The following WWC1 variants were observed in gnomAD, a reference collection of about 807,000 sequenced individuals.
WWC1 encodes the protein WW and C2 domain containing 1, also known as protein KIBRA.
In WWC1, 55 loss-of-function variants were observed where a neutral mutation model predicts 138.4. The ratio of observed to expected loss-of-function variants is 0.40; its 90% CI spans 0.32 to 0.50. WWC1 has a LOEUF of 0.50. Among genes scored for constraint, WWC1 ranks in the 20% least tolerant of loss-of-function variants. The pLI, the probability that WWC1 is intolerant of heterozygous loss-of-function variation, is 0.72. For synonymous variants in WWC1, 524 were observed against 564.9 expected, an observed-to-expected ratio of 0.93 and a Z score of 1.03; for missense variants, 1,226 against 1,420.4, an observed-to-expected ratio of 0.86 and a Z score of 2.20.
chr5:168,316,181 G>A (rs549275319), intron 1 of WWC1, among the ~76,000 whole-genome samples: 1 of 152,086 alleles, frequency 6.6e-6, no homozygotes, highest in Non-Finnish European at 1.5e-5. Flanking sequence ...TGTGAGGCTC[G>A]CAATTGCTAT....
At chr5:168,414,166 G>A in intron 8 of WWC1, 182 bp from the exon 9 acceptor site, 1 of 792,932 alleles carries the variant, frequency 1.3e-6, no homozygotes, top group Non-Finnish European at 1.9e-6. Flanking sequence ...TTCATTGTTG[G>A]CACATGGTAG....
chr5:168,410,871 C>T (rs1780175214), intron 8 of WWC1, among the ~76,000 whole-genome samples: 2 of 151,746 alleles, frequency 1.3e-5, no homozygotes, highest in South Asian at 2.1e-4. Context: ...CATGACTATT[C>T]CAGGTGGTAG....
At chr5:168,338,080 G>C (rs1158031419) in intron 1 of WWC1, among the ~76,000 whole-genome samples, 1 of 152,086 alleles carries the variant, frequency 6.6e-6, no homozygotes, top group African/African-American at 2.4e-5. Flanking sequence ...GGAGGCCAAG[G>C]TGGGCAGATC....
chr5:168,333,765 T>C (rs182585537), intron 1 of WWC1, among the ~76,000 whole-genome samples: 3 of 152,100 alleles, frequency 2.0e-5, no homozygotes, highest in Non-Finnish European at 4.4e-5. Context: ...GACTTAGGAA[T>C]TGCTATCCCT....
chr5:168,427,589 G>A (rs1432327055), intron 11 of WWC1, among the ~76,000 whole-genome samples: 1 of 145,564 alleles, frequency 6.9e-6, no homozygotes, highest in East Asian at 2.0e-4. Context: ...GCATTTAGAG[G>A]TGGTTGGAAT....
intron 2 of WWC1, among the ~76,000 whole-genome samples, chr5:168,377,754 G>A (rs1777328428): frequency 6.6e-6 from 1 of 152,172 alleles, no homozygotes; most frequent in Non-Finnish European, 1.5e-5. Flanking sequence ...CAGTCAGAAT[G>A]GCTGTTATTA....
intron 1 of WWC1, among the ~76,000 whole-genome samples, chr5:168,317,230 T>C (rs1771685599): frequency 6.6e-6 from 1 of 152,190 alleles, no homozygotes; most frequent in Non-Finnish European, 1.5e-5. Flanking sequence ...CAGTGCTGCA[T>C]TGTCTCAAGG....
At chr5:168,307,626 A>G (rs1320954536) in intron 1 of WWC1, among the ~76,000 whole-genome samples, 2 of 141,650 alleles carry the variant, frequency 1.4e-5, no homozygotes, top group Middle Eastern at 3.6e-3. Context: ...TTAAATTGAG[A>G]CAGAGTCTCG....
chr5:168,364,021 TTA>T lies in WWC1; in HGVS notation c.120-7401_120-7400del, dbSNP rs1776096538. Among the ~76,000 whole-genome samples the T allele has an allele frequency of 2.0e-5, 3 of 152,236 alleles. No homozygotes were observed. The South Asian group carries it at 6.2e-4, about 32-fold the overall frequency. On this transcript the variant is annotated intron_variant, in intron 1 of 22. Coordinates refer to ENST00000265293, the MANE Select transcript of WWC1 (RefSeq NM_015238.3). Reference sequence around the variant, plus strand: ...CTTCACAACGCGCAGAACTCTCTGATTATGTTTGCAACCCACATTTATCAAGG... The same window carrying T: ...CTTCACAACGCGCAGAACTCTCTGATTGTTTGCAACCCACATTTATCAAGG...
intron 2 of WWC1, among the ~76,000 whole-genome samples, chr5:168,384,251 A>G (rs1777867980): frequency 6.6e-6 from 1 of 152,220 alleles, no homozygotes. Context: ...AATAGAATCT[A>G]TAAGGTTCGT....
chr5:168,309,816 G>A (rs940472875), intron 1 of WWC1, among the ~76,000 whole-genome samples: 6 of 152,078 alleles, frequency 3.9e-5, no homozygotes, highest in African/African-American at 1.2e-4. Context: ...GTGTCCCCAA[G>A]CCCTCAACCA....
chr5:168,414,637 G>C (rs778397826), intron 9 of WWC1, 47 bp downstream of exon 9: 1 of 1,510,998 alleles, frequency 6.6e-7, no homozygotes, highest in Admixed American at 2.1e-5. Flanking sequence ...CTCACTGGCA[G>C]TCTGTCCTCA....
At chr5:168,296,758 C>G (rs895252059) in intron 1 of WWC1, among the ~76,000 whole-genome samples, 1 of 152,178 alleles carries the variant, frequency 6.6e-6, no homozygotes, top group Non-Finnish European at 1.5e-5. Context: ...TGGTAAAGCC[C>G]CTCAACCTTT....
intron 1 of WWC1, among the ~76,000 whole-genome samples, chr5:168,363,959 C>T (rs1372930219): frequency 2.0e-5 from 3 of 152,008 alleles, no homozygotes; most frequent in Admixed American, 6.6e-5. Context: ...GATGATAGCT[C>T]ACGTGTTAAG....
At chr5:168,295,483 C>CATGTGTGT (rs143036340) in intron 1 of WWC1, among the ~76,000 whole-genome samples, 1 of 142,484 alleles carries the variant, frequency 7.0e-6, no homozygotes, top group Admixed American at 7.0e-5. Flanking sequence ...ATTTCTACTC[C>CATGTGTGT]GTGTGTGTGT....
Position 168,431,351 on chromosome 5 carries a change from G to A in WWC1, c.2187G>A (p.Val729=), listed in dbSNP as rs1781920604. ...CAGACACTCTAGTGTTCAATGAGGT[G>A]TTCTGGGTATCCATGTCCTATCCAG... ...DASDTLVFNE[V]FWVSMSYPAL... Residue 729 remains valine, a synonymous_variant, in exon 15 of 23, where the codon GTG becomes GTA. Coordinates refer to ENST00000265293, the MANE Select transcript of WWC1 (RefSeq NM_015238.3). 4 of 1,614,070 alleles carry A rather than the reference G, an allele frequency of 2.5e-6. No homozygotes were observed. The highest frequency in any genetic ancestry group is 1.3e-5 in the African/African-American group (1 of 74,930).
intron 1 of WWC1, among the ~76,000 whole-genome samples, chr5:168,365,906 G>A (rs913809560): frequency 1.3e-5 from 2 of 152,210 alleles, no homozygotes; most frequent in Non-Finnish European, 2.9e-5. Flanking sequence ...TGGGGTTTTC[G>A]GCAGCCCGAG....
intron 1 of WWC1, among the ~76,000 whole-genome samples, chr5:168,293,840 C>G (rs1427803683): frequency 1.3e-5 from 2 of 152,214 alleles, no homozygotes; most frequent in South Asian, 2.1e-4. Context: ...TTCTGCCATT[C>G]TGCGTACCAG....
At chr5:168,342,721 G>A (rs555433893) in intron 1 of WWC1, among the ~76,000 whole-genome samples, 1 of 152,204 alleles carries the variant, frequency 6.6e-6, no homozygotes, top group South Asian at 2.1e-4. Flanking sequence ...CTCCCAAAGG[G>A]TAGATGAAGA....
Sources: allele counts gnomAD v4.1 joint callset (sites outside exome capture counted in the v4.1 genomes callset), GRCh38; gene constraint gnomAD v4.1.1; transcripts MANE v1.5; gene names NCBI Gene and HGNC (gene_info 2026-07-23, HGNC 2026-07-21).